ADCY2: variants seen among roughly 807,000 people sequenced by gnomAD.
The protein encoded by ADCY2 is adenylate cyclase 2, also known as adenylate cyclase type 2.
Under a neutral mutation model 125.2 loss-of-function variants are expected in ADCY2, and 31 were observed. The observed-to-expected ratio is 0.25, with a 90% CI of 0.19 to 0.33. The LOEUF (loss-of-function observed/expected upper bound fraction) is 0.33, where lower values mean the gene tolerates loss of function less well. Ranked by LOEUF, ADCY2 falls within the 10% of genes least tolerant of loss-of-function variation. The probability of loss-of-function intolerance (pLI) is 1.00; values close to 1 mark genes in which losing one functional copy is unlikely to be tolerated. For missense variants in ADCY2, 904 were observed against 1,418.2 expected (o/e 0.64, Z 5.82); for synonymous variants, 512 against 548.4 (o/e 0.93, Z 0.93).
chr5:7,523,183 T>C (rs1179650284), intron 3 of ADCY2, among the ~76,000 whole-genome samples: 1 of 152,076 alleles, frequency 6.6e-6, no homozygotes, highest in East Asian at 1.9e-4. Context: ...TCTGTAAGAA[T>C]CAAACAGGGT....
At chr5:7,585,595 G>T (rs1736603794) in intron 3 of ADCY2, among the ~76,000 whole-genome samples, 1 of 152,140 alleles carries the variant, frequency 6.6e-6, no homozygotes, top group African/African-American at 2.4e-5. Context: ...TTTACAATCT[G>T]AATTTTCTCT....
At chr5:7,416,948 C>T (rs944332311) in intron 2 of ADCY2, among the ~76,000 whole-genome samples, 4 of 152,222 alleles carry the variant, frequency 2.6e-5, no homozygotes, top group Admixed American at 1.3e-4. Context: ...TTTTAGCTCA[C>T]TTTTTATTAC....
intron 3 of ADCY2, among the ~76,000 whole-genome samples, chr5:7,525,584 GATC>G (rs2126538830): frequency 6.6e-6 from 1 of 152,114 alleles, no homozygotes; most frequent in African/African-American, 2.4e-5. Context: ...TTAGAGGCAT[GATC>G]TAGGCATTAG....
intron 14 of ADCY2, among the ~76,000 whole-genome samples, chr5:7,736,905 AT>A (rs1742265841): frequency 2.6e-5 from 4 of 152,158 alleles, no homozygotes; most frequent in African/African-American, 9.7e-5. Context: ...TAATTCCATA[AT>A]CCCTTGTTCC....
intron 2 of ADCY2, among the ~76,000 whole-genome samples, chr5:7,512,744 T>C (rs1057480703): frequency 1.3e-5 from 2 of 152,166 alleles, no homozygotes; most frequent in African/African-American, 4.8e-5. Flanking sequence ...AGTTCGACCT[T>C]AGAGCTGAGC....
chr5:7,588,273 AAC>A (rs1231433745), intron 3 of ADCY2, among the ~76,000 whole-genome samples: 1 of 152,196 alleles, frequency 6.6e-6, no homozygotes, highest in Non-Finnish European at 1.5e-5. Context: ...TCTTTCCTGA[AAC>A]ACATAAAAAA....
In ADCY2 at chr5:7,690,848, C is replaced by A; in HGVS notation, c.869+9C>A. On this transcript the variant is annotated intron_variant, in intron 5 of 24. Coordinates refer to ENST00000338316, the MANE Select transcript of ADCY2 (RefSeq NM_020546.3). ...CGGCATACAAACGTGAGGTACGACGCTATGCTTGCTCCTTGGCTGGTCTGG... is the reference window on the plus strand; with the variant it reads ...CGGCATACAAACGTGAGGTACGACGATATGCTTGCTCCTTGGCTGGTCTGG... 6.4e-7 allele frequency: 1 copy of A among 1,552,948 alleles called. No homozygotes were observed. The highest frequency in any genetic ancestry group is 1.2e-5 in the South Asian group (1 of 80,920).
rs144532126 is a variant in ADCY2 at position 7,695,595 on chromosome 5, A to C, written c.870-157A>C. On this transcript the variant is annotated intron_variant, in intron 5 of 24. Transcript: ENST00000338316. ...AAAAATGTTTAACAAGTTCAAAAAA[A>C]TGTTTATATATTCTTAATCTGAGAA... Among the ~76,000 whole-genome samples, 2 of 152,258 alleles carry C rather than the reference A, an allele frequency of 1.3e-5. 1 individual carries two copies. The highest frequency in any genetic ancestry group is 6.3e-3 in the Middle Eastern group (2 of 316).
chr5:7,735,944 T>A (rs1261860660), intron 14 of ADCY2, among the ~76,000 whole-genome samples: 1 of 152,204 alleles, frequency 6.6e-6, no homozygotes, highest in African/African-American at 2.4e-5. Flanking sequence ...ACACCTGTAA[T>A]CCCAGCACTT....
At chr5:7,660,312 G>A (rs1739484442) in intron 4 of ADCY2, among the ~76,000 whole-genome samples, 1 of 151,920 alleles carries the variant, frequency 6.6e-6, no homozygotes, top group South Asian at 2.1e-4. Context: ...CTGTGAGAAA[G>A]GAAAAGGGAA....
intron 2 of ADCY2, among the ~76,000 whole-genome samples, chr5:7,455,030 T>C (rs1229750056): frequency 6.6e-6 from 1 of 152,194 alleles, no homozygotes; most frequent in Non-Finnish European, 1.5e-5. Flanking sequence ...TATACGGCTA[T>C]AGAGTAGACA....
intron 3 of ADCY2, among the ~76,000 whole-genome samples, chr5:7,562,497 A>G (rs539287736): frequency 5.3e-5 from 8 of 152,276 alleles, no homozygotes. Context: ...GTTGTACAAA[A>G]TGACTAGTGT....
chr5:7,577,015 C>T (rs1235366047), intron 3 of ADCY2, among the ~76,000 whole-genome samples: 3 of 152,216 alleles, frequency 2.0e-5, no homozygotes, highest in Non-Finnish European at 4.4e-5. Context: ...GCAGTCCCAA[C>T]ATCTCAAGAT....
intron 4 of ADCY2, among the ~76,000 whole-genome samples, chr5:7,632,233 A>C (rs985963898): frequency 2.0e-5 from 3 of 152,210 alleles, no homozygotes; most frequent in Non-Finnish European, 4.4e-5. Flanking sequence ...AGTTTGGCTC[A>C]GATATAAAGG....
At chr5:7,698,192 T>C in intron 6 of ADCY2, 55 bp from the exon 7 acceptor site, 1 of 1,607,176 alleles carries the variant, frequency 6.2e-7, no homozygotes, top group Non-Finnish European at 8.5e-7. Context: ...TACATGAATC[T>C]AGATCATTCT....
At chr5:7,520,597 C>T (rs1159887206) in intron 2 of ADCY2, 141 bp from the exon 3 acceptor site, 3 of 856,352 alleles carry the variant, frequency 3.5e-6, no homozygotes, top group Non-Finnish European at 5.3e-6. Flanking sequence ...TTTGCATCGA[C>T]TGCCCTATTT....
chr5:7,802,136 A>G lies in ADCY2; in HGVS notation c.2629-82A>G. ...GGGCGATGTCTGTGTGAATCCTGGC[A>G]TAAACAAGCCACTTGCCTGTGGAGT... is the stretch of plus-strand genomic sequence containing the variant. On this transcript the variant is annotated intron_variant, in intron 20 of 24. Coordinates refer to ENST00000338316, the MANE Select transcript of ADCY2 (RefSeq NM_020546.3). This position sits in a 1 kb window ranked among gnomAD's most constrained non-coding sequence, Gnocchi z 4.6. The G allele has an allele frequency of 1.3e-6, 2 of 1,514,014 alleles. No individual in the cohort carries two copies. Among genetic ancestry groups the G allele is most frequent in the African/African-American group, 1.4e-5 (1 of 72,536 alleles). 93.8% of individuals were successfully genotyped at this position (1,514,014 alleles called of 1,614,324 possible). A position where few individuals can be genotyped will look rare whatever the true frequency, so the allele number is the denominator to read the frequency against.
At chr5:7,596,323 C>A (rs1196990754) in intron 3 of ADCY2, among the ~76,000 whole-genome samples, 2 of 151,872 alleles carry the variant, frequency 1.3e-5, no homozygotes, top group Non-Finnish European at 2.9e-5. Context: ...CAAGGCAATA[C>A]GAAACTCCAG....
intron 4 of ADCY2, among the ~76,000 whole-genome samples, chr5:7,635,490 G>T (rs957203987): frequency 6.6e-6 from 1 of 152,160 alleles, no homozygotes; most frequent in Non-Finnish European, 1.5e-5. Context: ...GATGATGGTT[G>T]GTGTGGCATC....
Sources: gnomAD v4.1 joint callset for allele counts (sites outside exome capture counted in the v4.1 genomes callset) on GRCh38, gnomAD v4.1.1 for gene constraint, Gnocchi (gnomAD v3.1) non-coding constraint, MANE v1.5 for transcripts, NCBI Gene and HGNC (gene_info 2026-07-23, HGNC 2026-07-21) for gene names.